The following CCDC134 variants were observed in gnomAD, a reference collection of about 807,000 sequenced individuals.
CCDC134 encodes coiled-coil domain-containing protein 134.
A neutral mutation model predicts 25.6 loss-of-function variants in CCDC134; 27 were observed. The ratio of observed to expected loss-of-function variants is 1.05; its 90% CI spans 0.78 to 1.45. The LOEUF (loss-of-function observed/expected upper bound fraction) is 1.45, where lower values mean the gene tolerates loss of function less well. CCDC134 is among the 40% of genes most tolerant of loss of function. CCDC134 has a pLI of 0.00. For missense variants in CCDC134, 261 were observed against 286.7 expected, an observed-to-expected ratio of 0.91 and a Z score of 0.65; for synonymous variants, 110 against 115.0, an observed-to-expected ratio of 0.96 and a Z score of 0.28.
chr22:41,801,153 A>G (rs1281756452), intron 1 of CCDC134, among the ~76,000 whole-genome samples: 1 of 152,190 alleles, frequency 6.6e-6, no homozygotes, highest in Non-Finnish European at 1.5e-5. Flanking sequence ...TACCTGCTTC[A>G]GTCATTGCCA....
rs771297880 is a variant in CCDC134 at position 41,809,964 on chromosome 22, C to T, written c.189C>T (p.Tyr63=). The part of the protein sequence containing the change: ...LAQLNDIHQQ[Y]KILDVMLKGL... ...AGCTGAACGACATCCACCAGCAGTACAAGATCCTTGATGTCATGCTCAAGG... is the reference window on the plus strand; with the variant it reads ...AGCTGAACGACATCCACCAGCAGTATAAGATCCTTGATGTCATGCTCAAGG... The change falls in exon 3 of 7, where the codon TAC becomes TAT. Residue 63 remains tyrosine, a synonymous_variant. Coordinates refer to ENST00000255784, the MANE Select transcript of CCDC134 (RefSeq NM_024821.5). 2 of 1,614,162 alleles carry T rather than the reference C, an allele frequency of 1.2e-6. No homozygotes were observed. Among genetic ancestry groups the T allele is most frequent in the Non-Finnish European group, 1.7e-6 (2 of 1,180,032 alleles).
chr22:41,824,618 G>C (rs2076667312), intron 6 of CCDC134, among the ~76,000 whole-genome samples: 1 of 152,156 alleles, frequency 6.6e-6, no homozygotes, highest in Non-Finnish European at 1.5e-5. Context: ...AAATTAGCCA[G>C]GTGTGGTGGT....
At chr22:41,810,984 G>A (rs1306964582) in intron 4 of CCDC134, among the ~76,000 whole-genome samples, 1 of 152,176 alleles carries the variant, frequency 6.6e-6, no homozygotes, top group African/African-American at 2.4e-5. Context: ...CTGACTTCCT[G>A]AGTTCTTTGA....
chr22:41,825,559 A>C lies in CCDC134; in HGVS notation c.565-139A>C. 2 of 1,130,226 alleles carry C rather than the reference A, an allele frequency of 1.8e-6. No individual in the cohort carries two copies. Among genetic ancestry groups the C allele is most frequent in the Non-Finnish European group, 2.5e-6 (2 of 797,200 alleles). 70.0% of individuals were successfully genotyped at this position (1,130,226 alleles called of 1,614,324 possible). Reference sequence around the variant, plus strand: ...AACACCCACTCAGCAGTTCTCCCAAACCCATTTCCTGTCTCCGTGTCTGGG... The same window carrying C: ...AACACCCACTCAGCAGTTCTCCCAACCCCATTTCCTGTCTCCGTGTCTGGG... On this transcript the variant is annotated intron_variant, in intron 6 of 6. Transcript: ENST00000255784. The surrounding 1 kb of genome is among the most constrained non-coding windows in gnomAD (Gnocchi z 4.4).
At chr22:41,805,623 T>C (rs2076564156) in intron 1 of CCDC134, among the ~76,000 whole-genome samples, 1 of 152,004 alleles carries the variant, frequency 6.6e-6, no homozygotes, top group African/African-American at 2.4e-5. Context: ...CCAATAATAT[T>C]CCAAATATAT....
chr22:41,821,294 C>T (rs921350463), intron 6 of CCDC134, among the ~76,000 whole-genome samples: 3 of 151,632 alleles, frequency 2.0e-5, no homozygotes, highest in African/African-American at 7.3e-5. Context: ...TATAGACAGC[C>T]CTTTCGAAAA....
intron 5 of CCDC134, 111 bp from the exon 6 acceptor site, chr22:41,813,640 G>T (rs1040333531): frequency 7.9e-7 from 1 of 1,270,744 alleles, no homozygotes. Context: ...ATCATCATGT[G>T]GCCCACATCT....
intron 6 of CCDC134, among the ~76,000 whole-genome samples, chr22:41,824,462 T>C (rs919347755): frequency 6.6e-6 from 1 of 152,190 alleles, no homozygotes; most frequent in African/African-American, 2.4e-5. Context: ...TGCACAGATT[T>C]ACATTTTGAA....
rs1056788404 is a variant in CCDC134 at position 41,828,489 on chromosome 22, G to A, written c.*2666G>A. On this transcript the variant is annotated 3_prime_UTR_variant, in exon 7 of 7. Coordinates refer to ENST00000255784, the MANE Select transcript of CCDC134 (RefSeq NM_024821.5). Reference sequence around the variant, plus strand: ...CTCCTGGGCTCTTTCCTCTAATACCGTCATCCTCTCTCCAACCTGGTTAAT... The same window carrying A: ...CTCCTGGGCTCTTTCCTCTAATACCATCATCCTCTCTCCAACCTGGTTAAT... Among the ~76,000 whole-genome samples, 16 of 152,090 alleles carry A rather than the reference G, an allele frequency of 1.1e-4. No homozygotes were observed. The South Asian group carries it at 1.7e-3, about 16-fold the overall frequency.
rs1215249085 is a variant in CCDC134, at chr22:41,830,558, A to G, written c.*4735A>G. Among the ~76,000 whole-genome samples the G allele has an allele frequency of 6.6e-6, 1 of 152,168 alleles. No homozygotes were observed. The highest frequency in any genetic ancestry group is 1.9e-4 in the East Asian group (1 of 5,194). ...CCTTCCTGCTCAGTGCTGTGTCCAG[A>G]GCAGGGTTTAGTTTTCTGTGTCTTT... is the stretch of plus-strand genomic sequence containing the variant. On this transcript the variant is annotated 3_prime_UTR_variant, in exon 7 of 7. Transcript: ENST00000255784.
Position 41,809,897 on chromosome 22 carries a change from T to G in CCDC134, c.122T>G (p.Val41Gly). 2.5e-6 allele frequency: 4 copies of G among 1,614,130 alleles called. No individual in the cohort carries two copies. The highest frequency in any genetic ancestry group is 3.4e-6 in the Non-Finnish European group (4 of 1,180,022). ...TGCCCAGACAAGAAGATGTTTGAGGTGAAGCGGCGGGAGCAGCTGTTGGCA... is the reference window on the plus strand; with the variant it reads ...TGCCCAGACAAGAAGATGTTTGAGGGGAAGCGGCGGGAGCAGCTGTTGGCA... ...SLEIYKKMFE[V>G]KRREQLLALK... Residue 41 changes from valine to glycine, a missense_variant, in exon 3 of 7, where the codon GTG becomes GGG. Transcript: ENST00000255784.
chr22:41,823,177 T>G (rs1249542835), intron 6 of CCDC134, among the ~76,000 whole-genome samples: 1 of 151,946 alleles, frequency 6.6e-6, no homozygotes, highest in Non-Finnish European at 1.5e-5. Context: ...AAATAAGAGT[T>G]AAGTTACTAC....
At chr22:41,802,541 G>A (rs1009766799) in intron 1 of CCDC134, among the ~76,000 whole-genome samples, 7 of 152,164 alleles carry the variant, frequency 4.6e-5, no homozygotes, top group South Asian at 4.1e-4. Context: ...CCGCCAAGGC[G>A]GGCGGATCAC....
At chr22:41,818,528 G>A (rs139572) in intron 6 of CCDC134, among the ~76,000 whole-genome samples, 25,342 of 152,204 alleles carry the variant, frequency 0.17, 3,063 homozygotes, top group Admixed American at 0.36. Context: ...CAGCTGTGTT[G>A]ACTCTTTTCT....
intron 1 of CCDC134, among the ~76,000 whole-genome samples, chr22:41,806,177 C>A (rs2076566497): frequency 6.7e-6 from 1 of 149,314 alleles, no homozygotes; most frequent in Non-Finnish European, 1.5e-5. Flanking sequence ...AGACTTGGAA[C>A]AACCATGGTT....
chr22:41,808,321 C>A (rs1317029815), intron 1 of CCDC134, among the ~76,000 whole-genome samples: 1 of 152,048 alleles, frequency 6.6e-6, no homozygotes, highest in Non-Finnish European at 1.5e-5. Context: ...TCCCTTCTTA[C>A]TTTCTGATGA....
rs368664191 is a variant in CCDC134, at chr22:41,813,330, T to C, written c.377T>C (p.Val126Ala). Residue 126 changes from valine to alanine, a missense_variant, in exon 5 of 7, where the codon GTG (valine) becomes GCG (alanine). Coordinates refer to ENST00000255784, the MANE Select transcript of CCDC134 (RefSeq NM_024821.5). Reference sequence around the variant, plus strand: ...GTGGTGCTGCGCTTCCCGAGGATTGTGCACTATTACTTTGACCACAACTCC... The same window carrying C: ...GTGGTGCTGCGCTTCCCGAGGATTGCGCACTATTACTTTGACCACAACTCC... Reference protein sequence around the residue: ...GDVVLRFPRIVHYYFDHNSNW... With the variant: ...GDVVLRFPRIAHYYFDHNSNW... The C allele has an allele frequency of 2.0e-5, 33 of 1,614,038 alleles. No homozygotes were observed. In the African/African-American group the frequency reaches 4.4e-4, roughly 22 times the overall value.
At chr22:41,823,489 ATGC>A (rs59906307) in intron 6 of CCDC134, among the ~76,000 whole-genome samples, 17,754 of 152,110 alleles carry the variant, frequency 0.12, 1,589 homozygotes, top group Admixed American at 0.31. Context: ...GTTTCCCAAA[ATGC>A]TGGGATTATA....
intron 2 of CCDC134, among the ~76,000 whole-genome samples, chr22:41,809,615 G>T (rs1373706594): frequency 6.6e-6 from 1 of 152,192 alleles, no homozygotes; most frequent in Non-Finnish European, 1.5e-5. Context: ...GAGACGGCAG[G>T]AAGACCACAG....
Sources: allele counts gnomAD v4.1 joint callset (sites outside exome capture counted in the v4.1 genomes callset), GRCh38; gene constraint gnomAD v4.1.1; non-coding constraint Gnocchi (gnomAD v3.1); transcripts MANE v1.5; gene names NCBI Gene and HGNC (gene_info 2026-07-23, HGNC 2026-07-21).